The following WIPF3 variants were observed in gnomAD, a reference collection of about 807,000 sequenced individuals.
The protein encoded by WIPF3 is WAS/WASL-interacting protein family member 3.
Under a neutral mutation model 38.9 loss-of-function variants are expected in WIPF3, and 33 were observed. That is an observed-to-expected ratio of 0.85 (90% confidence interval 0.64 to 1.14). WIPF3 has a LOEUF of 1.14. Ranked by LOEUF, WIPF3 falls within the 50% of genes most tolerant of loss-of-function variation. The probability of loss-of-function intolerance (pLI) is 0.00; values close to 1 mark genes in which losing one functional copy is unlikely to be tolerated. For missense variants in WIPF3, 711 were observed against 652.5 expected (o/e 1.09, Z -0.98); for synonymous variants, 324 against 269.3 (o/e 1.20, Z -1.99).
At chr7:29,812,296 A>C (rs1044091322) in intron 1 of WIPF3, among the ~76,000 whole-genome samples, 3 of 152,216 alleles carry the variant, frequency 2.0e-5, no homozygotes, top group African/African-American at 7.2e-5. Flanking sequence ...CACACACCCA[A>C]ATCTGGCTTA....
At chr7:29,888,044 G>A (rs75880120) in intron 5 of WIPF3, 24 bp from the exon 6 acceptor site, 40,823 of 1,613,484 alleles carry the variant, frequency 0.025, 657 homozygotes, top group South Asian at 0.057. Context: ...GTGTTTCTGA[G>A]TACACCATCA....
intron 1 of WIPF3, among the ~76,000 whole-genome samples, chr7:29,833,663 C>T (rs1451766864): frequency 6.6e-6 from 1 of 152,112 alleles, no homozygotes; most frequent in Non-Finnish European, 1.5e-5. Context: ...AACATAAATG[C>T]CACAGGATTT....
At chr7:29,816,482 TTTTTA>T (rs1168489016) in intron 1 of WIPF3, among the ~76,000 whole-genome samples, 13 of 150,090 alleles carry the variant, frequency 8.7e-5, no homozygotes, top group Admixed American at 7.2e-4. Flanking sequence ...CTAATTTTTA[TTTTTA>T]TTTTATTTTA....
At chr7:29,842,933 G>A (rs544195903) in intron 2 of WIPF3, among the ~76,000 whole-genome samples, 4 of 152,162 alleles carry the variant, frequency 2.6e-5, no homozygotes, top group Non-Finnish European at 4.4e-5. Context: ...CTGGTACTTC[G>A]ATTAGTGTCA....
chr7:29,819,506 T>C (rs1429301767), intron 1 of WIPF3, among the ~76,000 whole-genome samples: 4 of 152,104 alleles, frequency 2.6e-5, no homozygotes, highest in African/African-American at 9.6e-5. Context: ...CATTTATCTT[T>C]TTCCTAATTC....
intron 1 of WIPF3, among the ~76,000 whole-genome samples, chr7:29,817,368 G>A (rs1265342368): frequency 6.6e-6 from 1 of 152,062 alleles, no homozygotes; most frequent in African/African-American, 2.4e-5. Flanking sequence ...ATATAGATAT[G>A]TATTTATTGC....
At chr7:29,858,619 G>A (rs537007779) in intron 2 of WIPF3, among the ~76,000 whole-genome samples, 4 of 152,248 alleles carry the variant, frequency 2.6e-5, no homozygotes, top group South Asian at 4.2e-4. Context: ...AAGACTTTTC[G>A]ATGATGATTA....
chr7:29,884,096 T>C lies in WIPF3; in HGVS notation c.602T>C (p.Val201Ala), dbSNP rs1371241495. 2 of 1,422,418 alleles carry C rather than the reference T, an allele frequency of 1.4e-6. No homozygotes were observed. Among genetic ancestry groups the C allele is most frequent in the South Asian group, 1.3e-5 (1 of 77,418 alleles). 88.1% of individuals were successfully genotyped at this position (1,422,418 alleles called of 1,614,324 possible). ...TCCTCCCCCATCAAAACTCCGCTTG[T>C]GTCCCCACCCGGCCCACTGACCAAA... ...PSSSPIKTPL[V>A]SPPGPLTKGN... is the part of the protein sequence containing the mutation. Residue 201 changes from valine to alanine, a missense_variant, in exon 5 of 9, where the codon GTG (valine) becomes GCG (alanine). Coordinates refer to ENST00000242140, the MANE Select transcript of WIPF3 (RefSeq NM_001080529.3).
chr7:29,884,305 G>A lies in WIPF3; in HGVS notation c.811G>A (p.Gly271Arg), dbSNP rs1055512862. The change falls in exon 5 of 9, where the codon GGG (glycine) becomes AGG (arginine). Residue 271 changes from glycine to arginine, a missense_variant. Physicochemically the swap from Gly to Arg is moderately radical, Grantham distance 125 (BLOSUM62 -2). Coordinates refer to ENST00000242140, the MANE Select transcript of WIPF3 (RefSeq NM_001080529.3). ...PPPLPLLPPC[G>R]YPGLKAEPAS... ...CCCGCTCCCTCTGCTCCCACCTTGT[G>A]GGTATCCGGGGCTCAAAGCGGAGCC... The A allele has an allele frequency of 3.5e-6, 5 of 1,412,868 alleles. No individual in the cohort carries two copies. The highest frequency in any genetic ancestry group is 5.1e-5 in the Admixed American group (2 of 39,212). The allele number at this position is 1,412,868 out of a possible 1,614,324, so 87.5% of individuals were successfully genotyped here.
chr7:29,895,605 G>A (rs1434493301), intron 7 of WIPF3, among the ~76,000 whole-genome samples: 2 of 152,196 alleles, frequency 1.3e-5, no homozygotes, highest in African/African-American at 2.4e-5. Flanking sequence ...GGCGTAATTG[G>A]CTCACAGTTC....
Position 29,822,123 on chromosome 7 carries a change from G to GTTTTT in WIPF3, c.-57-12528_-57-12524dup. Among the ~76,000 whole-genome samples the GTTTTT allele has an allele frequency of 9.6e-4, 60 of 62,818 alleles. 1 individual carries two copies. Among genetic ancestry groups the GTTTTT allele is most frequent in the African/African-American group, 2.3e-3 (33 of 14,370 alleles). 41.2% of individuals were successfully genotyped at this position (62,818 alleles called of 152,430 possible). On this transcript the variant is annotated intron_variant, in intron 1 of 8. Coordinates refer to ENST00000242140, the MANE Select transcript of WIPF3 (RefSeq NM_001080529.3). ...TATTCCTTTCCTTACTTTTTTCTTA[G>GTTTTT]TTTTTTTTTTTTTTTTTTTTTGGTA...
intron 2 of WIPF3, among the ~76,000 whole-genome samples, chr7:29,850,187 G>T (rs1161175238): frequency 6.6e-6 from 1 of 152,182 alleles, no homozygotes; most frequent in African/African-American, 2.4e-5. Context: ...CACCATGCTT[G>T]TTCCCCATAA....
intron 1 of WIPF3, among the ~76,000 whole-genome samples, chr7:29,816,763 C>T (rs2128061968): frequency 6.6e-6 from 1 of 152,240 alleles, no homozygotes; most frequent in Non-Finnish European, 1.5e-5. Context: ...ATGTATGAAC[C>T]ATAATTTAAT....
chr7:29,809,584 G>A (rs1469670317), intron 1 of WIPF3, among the ~76,000 whole-genome samples: 1 of 152,274 alleles, frequency 6.6e-6, no homozygotes, highest in Non-Finnish European at 1.5e-5. Context: ...AAACCGAAGA[G>A]GCATGCCTTT....
chr7:29,899,270 G>A (rs979191181), intron 7 of WIPF3, among the ~76,000 whole-genome samples: 11 of 152,160 alleles, frequency 7.2e-5, no homozygotes, highest in Admixed American at 3.9e-4. Flanking sequence ...GGAGAAACAC[G>A]ATTCAATCCA....
At chr7:29,817,514 G>A (rs1306325345) in intron 1 of WIPF3, among the ~76,000 whole-genome samples, 1 of 151,910 alleles carries the variant, frequency 6.6e-6, no homozygotes, top group Non-Finnish European at 1.5e-5. Context: ...GCAATTTAAT[G>A]TAAGGCATGA....
chr7:29,824,079 A>G lies in WIPF3; in HGVS notation c.-57-10589A>G, dbSNP rs1194226034. Among the ~76,000 whole-genome samples, 15 of 152,320 alleles carry G rather than the reference A, an allele frequency of 9.8e-5. No homozygotes were observed. The East Asian group carries it at 1.7e-3, about 18-fold the overall frequency. The stretch of plus-strand genomic sequence containing the variant: ...TGGCTTTGGCAATACCAGTATCCCA[A>G]AGACATAGTCCCTATCTTTGAACCT... On this transcript the variant is annotated intron_variant, in intron 1 of 8. Transcript: ENST00000242140.
At chr7:29,871,144 C>A (rs1175656541) in intron 2 of WIPF3, among the ~76,000 whole-genome samples, 1 of 152,160 alleles carries the variant, frequency 6.6e-6, no homozygotes, top group Non-Finnish European at 1.5e-5. Context: ...TGTGTCAGAC[C>A]TGACAGGAGA....
chr7:29,823,055 A>G lies in WIPF3; in HGVS notation c.-57-11613A>G, dbSNP rs1784565598. Among the ~76,000 whole-genome samples, 2 of 152,208 alleles carry G rather than the reference A, an allele frequency of 1.3e-5. No homozygotes were observed. On this transcript the variant is annotated intron_variant, in intron 1 of 8. Coordinates refer to ENST00000242140, the MANE Select transcript of WIPF3 (RefSeq NM_001080529.3). The surrounding 1 kb of genome is among the most constrained non-coding windows in gnomAD (Gnocchi z 4.0). ...GCAATTTTAAATTTCTTTATTATTT[A>G]TCTCAAAGCAGTACTCCTTTGCTCC...
Sources: allele counts gnomAD v4.1 joint callset (sites outside exome capture counted in the v4.1 genomes callset), GRCh38; gene constraint gnomAD v4.1.1; non-coding constraint Gnocchi (gnomAD v3.1); transcripts MANE v1.5; gene names NCBI Gene and HGNC (gene_info 2026-07-23, HGNC 2026-07-21).